The following DMD variants were observed in gnomAD, a reference collection of about 807,000 sequenced individuals.
DMD encodes the protein mutant dystrophin.
A neutral mutation model predicts 330.1 loss-of-function variants in DMD; 63 were observed. The observed-to-expected ratio is 0.19, with a 90% CI of 0.16 to 0.24. The LOEUF is 0.24. Among genes scored for constraint, DMD ranks in the 10% least tolerant of loss-of-function variants. The pLI is 1.00. For synonymous variants in DMD, 1,223 were observed against 959.8 expected, an observed-to-expected ratio of 1.27 and a Z score of -5.07; for missense variants, 3,344 against 2,684.1, an observed-to-expected ratio of 1.25 and a Z score of -5.43.
intron 1 of DMD, among the ~76,000 whole-genome samples, chrX:33,065,899 G>A (rs1279616955): frequency 1.8e-5 from 2 of 111,531 alleles, no homozygotes; most frequent in African/African-American, 6.5e-5. Context: ...CAATAAAACC[G>A]AAGGATTTGC....
intron 47 of DMD, among the ~76,000 whole-genome samples, chrX:31,922,286 T>C (rs2094701058): frequency 9.0e-6 from 1 of 111,293 alleles, no homozygotes; most frequent in Non-Finnish European, 1.9e-5. Flanking sequence ...CCATGCCCCT[T>C]TCCGTCCCTC....
At chrX:31,583,645 T>G (rs1427940870) in intron 55 of DMD, among the ~76,000 whole-genome samples, 1 of 110,454 alleles carries the variant, frequency 9.1e-6, no homozygotes, top group African/African-American at 3.3e-5. Flanking sequence ...TATGATTAAT[T>G]TTTATTTTAA....
At position 32,644,153 on chromosome X, in the gene DMD, G is replaced by A. The variant is rs1556875180; in HGVS notation, c.1310C>T (p.Ala437Val). The change falls in exon 11 of 79, where the codon GCT becomes GTT. Residue 437 changes from alanine (A) to valine (V), a missense_variant. Transcript: ENST00000357033. ...LNSRWECLRV[A>V]SMEKQSNLHR... ...TTACTTGCTTTGTTTTTCCATGCTA[G>A]CTACCCTGAGGCATTCCCATCTTGA... 3.3e-6 allele frequency: 4 copies of A among 1,208,250 alleles called. No individual in the cohort carries two copies. Among genetic ancestry groups the A allele is most frequent in the Non-Finnish European group, 4.5e-6 (4 of 893,491 alleles).
At position 32,650,124 on chromosome X, in the gene DMD, C is replaced by A. The variant is rs183334809; in HGVS notation, c.961-4972G>T. Among the ~76,000 whole-genome samples, 307 of 111,293 alleles carry A rather than the reference C, an allele frequency of 2.8e-3. 2 individuals carry two copies. The highest frequency in any genetic ancestry group is 9.7e-3 in the African/African-American group (297 of 30,598). ...ACATGTAGGTAGTGAAACCAGCAGC[C>A]CAGCAAACCACAAAGCTCTTAGAAA... On this transcript the variant is annotated intron_variant, in intron 9 of 78. Transcript: ENST00000357033.
chrX:33,090,368 ATAT>A (rs1173623287), intron 1 of DMD, among the ~76,000 whole-genome samples: 1 of 108,503 alleles, frequency 9.2e-6, no homozygotes, highest in African/African-American at 3.3e-5. Flanking sequence ...ATTCTATACT[ATAT>A]TATTATAGAA....
chrX:32,307,810 T>A, intron 42 of DMD, among the ~76,000 whole-genome samples: 1 of 111,343 alleles, frequency 9.0e-6, no homozygotes, highest in South Asian at 3.7e-4. Context: ...TTTTGGAAAA[T>A]TTTATCATGA....
At chrX:32,059,214 A>C (rs2096204757) in intron 44 of DMD, among the ~76,000 whole-genome samples, 1 of 111,341 alleles carries the variant, frequency 9.0e-6, no homozygotes, top group Non-Finnish European at 1.9e-5. Context: ...TGTGCACTTA[A>C]AATTTATTAA....
chrX:32,991,560 A>C (rs2092976720), intron 2 of DMD, among the ~76,000 whole-genome samples: 1 of 112,464 alleles, frequency 8.9e-6, no homozygotes, highest in South Asian at 3.6e-4. Flanking sequence ...ATTTAAATTC[A>C]AAATAATTTT....
At chrX:32,124,999 G>A (rs1271267740) in intron 44 of DMD, among the ~76,000 whole-genome samples, 3 of 109,594 alleles carry the variant, frequency 2.7e-5, no homozygotes, top group Non-Finnish European at 5.7e-5. Flanking sequence ...TGTAGTTGGA[G>A]TACAGAGAAT....
intron 44 of DMD, among the ~76,000 whole-genome samples, chrX:32,190,550 TTATATATATATATA>T (rs753482446): frequency 2.0e-3 from 123 of 62,514 alleles, no homozygotes; most frequent in Non-Finnish European, 2.7e-3. Flanking sequence ...ATTTAAAATT[TTATATATATATATA>T]TATATATATA....
intron 21 of DMD, among the ~76,000 whole-genome samples, chrX:32,477,639 G>C (rs905868110): frequency 5.4e-5 from 6 of 110,646 alleles, no homozygotes; most frequent in African/African-American, 1.6e-4. Context: ...GGAAAGCAAA[G>C]TAAACAGAGA....
rs184423667 is a variant in DMD, at chrX:32,515,504, T to G, written c.2292+2504A>C. 7.5e-3 allele frequency among the ~76,000 whole-genome samples: 830 copies of G among 111,253 alleles called. 27 individuals are homozygous for G. Among genetic ancestry groups the G allele is most frequent in the Admixed American group, 0.073 (762 of 10,453 alleles). ...AGAGAACCTCACAGAAGCTCCAGAT[T>G]TTCAGACACCTTATCAAATCCCCTT... On this transcript the variant is annotated intron_variant, in intron 18 of 78. Coordinates refer to ENST00000357033, the MANE Select transcript of DMD (RefSeq NM_004006.3).
intron 16 of DMD, among the ~76,000 whole-genome samples, chrX:32,553,476 G>A (rs2049820353): frequency 9.0e-6 from 1 of 110,738 alleles, no homozygotes; most frequent in Non-Finnish European, 1.9e-5. Context: ...CTTATTACCT[G>A]GGTGATGAAA....
chrX:31,678,007 T>C (rs1057424105), intron 53 of DMD, among the ~76,000 whole-genome samples: 2 of 112,159 alleles, frequency 1.8e-5, no homozygotes, highest in Non-Finnish European at 1.9e-5. Context: ...GGCAGTGTGT[T>C]GAAAATGACA....
At chrX:32,579,049 T>C (rs1276748407) in intron 13 of DMD, among the ~76,000 whole-genome samples, 1 of 110,621 alleles carries the variant, frequency 9.0e-6, no homozygotes, top group Non-Finnish European at 1.9e-5. Context: ...TCAAAAACCA[T>C]TGAAAAAAAC....
chrX:33,249,029 C>T (rs190954188), intron 1 of DMD, among the ~76,000 whole-genome samples: 1 of 112,854 alleles, frequency 8.9e-6, no homozygotes, highest in East Asian at 2.8e-4. Flanking sequence ...ATTTATTACT[C>T]TATGTTTCTT....
chrX:32,790,301 C>T (rs1242927248), intron 7 of DMD, among the ~76,000 whole-genome samples: 4 of 112,091 alleles, frequency 3.6e-5, no homozygotes, highest in Admixed American at 2.8e-4. Flanking sequence ...TCTGGAGAGG[C>T]TCCCTAACAT....
At chrX:32,205,717 T>A (rs185131614) in intron 44 of DMD, among the ~76,000 whole-genome samples, 3 of 111,854 alleles carry the variant, frequency 2.7e-5, no homozygotes, top group African/African-American at 6.5e-5. Flanking sequence ...TGAATAAATG[T>A]GTTGATGTTA....
intron 44 of DMD, among the ~76,000 whole-genome samples, chrX:32,088,416 C>G (rs2096454228): frequency 9.2e-6 from 1 of 108,863 alleles, no homozygotes; most frequent in Non-Finnish European, 1.9e-5. Context: ...AATTGAAGCT[C>G]TCAACCAGGA....
Sources: gnomAD v4.1 joint callset for allele counts (sites outside exome capture counted in the v4.1 genomes callset) on GRCh38, gnomAD v4.1.1 for gene constraint, MANE v1.5 for transcripts, NCBI Gene and HGNC (gene_info 2026-07-23, HGNC 2026-07-21) for gene names.